The following NAALADL2 variants were observed in gnomAD, a reference collection of about 807,000 sequenced individuals.
The protein encoded by NAALADL2 is N-acetylated alpha-linked acidic dipeptidase like 2.
A neutral mutation model predicts 87.2 loss-of-function variants in NAALADL2; 76 were observed. The ratio of observed to expected loss-of-function variants is 0.87; its 90% CI spans 0.72 to 1.05. The LOEUF (loss-of-function observed/expected upper bound fraction) is 1.05, where lower values mean the gene tolerates loss of function less well. Ranked by LOEUF, NAALADL2 falls within the 50% of genes least tolerant of loss-of-function variation. The pLI is 0.00. For synonymous variants in NAALADL2, 354 were observed against 331.0 expected (o/e 1.07, Z -0.75); for missense variants, 1,089 against 945.8 (o/e 1.15, Z -1.99).
chr3:175,313,048 T>C (rs1015341743), intron 4 of NAALADL2, among the ~76,000 whole-genome samples: 2 of 152,292 alleles, frequency 1.3e-5, no homozygotes, highest in African/African-American at 4.8e-5. Flanking sequence ...CAAAGGCTGA[T>C]AGGTTTGGTT....
chr3:174,799,882 T>C (rs968605400), intron 3 of NAALADL2, among the ~76,000 whole-genome samples: 1 of 152,190 alleles, frequency 6.6e-6, no homozygotes, highest in Admixed American at 6.5e-5. Context: ...ATGAGAAACA[T>C]GTTGGGAGCT....
intron 1 of NAALADL2, among the ~76,000 whole-genome samples, chr3:174,882,926 T>C (rs1005147182): frequency 6.6e-6 from 1 of 151,166 alleles, no homozygotes; most frequent in African/African-American, 2.4e-5. Flanking sequence ...TGTATATATA[T>C]GTATATATAT....
intron 1 of NAALADL2, among the ~76,000 whole-genome samples, chr3:174,986,658 T>G (rs1458806054): frequency 6.6e-6 from 1 of 152,176 alleles, no homozygotes; most frequent in African/African-American, 2.4e-5. Flanking sequence ...TAAAGTTTTC[T>G]GAGCTAGATG....
chr3:175,539,672 C>A (rs1711954001), intron 9 of NAALADL2, among the ~76,000 whole-genome samples: 1 of 152,022 alleles, frequency 6.6e-6, no homozygotes, highest in Admixed American at 6.6e-5. Flanking sequence ...CCCTTGACCC[C>A]TTGACAGAAT....
chr3:174,941,318 T>C (rs1738556504), intron 1 of NAALADL2, among the ~76,000 whole-genome samples: 1 of 152,088 alleles, frequency 6.6e-6, no homozygotes, highest in Admixed American at 6.6e-5. Flanking sequence ...TTAAGCAATG[T>C]GTTTTTCAGT....
Position 175,617,847 on chromosome 3 carries a change from G to A in NAALADL2, c.1801-9444G>A, listed in dbSNP as rs114323797. On this transcript the variant is annotated intron_variant, in intron 10 of 13. Coordinates refer to ENST00000454872, the MANE Select transcript of NAALADL2 (RefSeq NM_207015.3). Reference sequence around the variant, plus strand: ...ATTCTCATCTGATCTCTGGTCTGTTGTGGATAGTTTGGAGTAATTGAGAGG... The same window carrying A: ...ATTCTCATCTGATCTCTGGTCTGTTATGGATAGTTTGGAGTAATTGAGAGG... Among the ~76,000 whole-genome samples, 1,045 of 152,286 alleles carry A rather than the reference G, an allele frequency of 6.9e-3. 9 individuals carry two copies. Among genetic ancestry groups the A allele is most frequent in the African/African-American group, 0.024 (997 of 41,556 alleles).
intron 1 of NAALADL2, among the ~76,000 whole-genome samples, chr3:174,535,680 T>C (rs1429837348): frequency 6.6e-6 from 1 of 152,116 alleles, no homozygotes; most frequent in African/African-American, 2.4e-5. Flanking sequence ...CCAGTGTCTC[T>C]TATTAGTTCA....
At chr3:174,987,827 T>TATATAAATATATATATATATATATAAAA (rs1222203525) in intron 1 of NAALADL2, among the ~76,000 whole-genome samples, 1 of 130,574 alleles carries the variant, frequency 7.7e-6, no homozygotes, top group African/African-American at 3.7e-5. Flanking sequence ...TATATATATA[T>TATATAAATATATATATATATATATAAAA]AATGAGACCT....
chr3:175,039,527 A>G (rs535212949), intron 1 of NAALADL2, among the ~76,000 whole-genome samples: 3 of 152,264 alleles, frequency 2.0e-5, no homozygotes, highest in African/African-American at 7.2e-5. Flanking sequence ...AGACCTGGAC[A>G]ATAGGGTTAT....
At chr3:174,936,494 A>G (rs1737709842) in intron 1 of NAALADL2, among the ~76,000 whole-genome samples, 1 of 152,158 alleles carries the variant, frequency 6.6e-6, no homozygotes, top group Non-Finnish European at 1.5e-5. Flanking sequence ...CAGCCATAAT[A>G]AAAGCTACTT....
intron 1 of NAALADL2, among the ~76,000 whole-genome samples, chr3:174,932,256 C>T (rs1560381147): frequency 6.6e-6 from 1 of 152,132 alleles, no homozygotes; most frequent in Non-Finnish European, 1.5e-5. Context: ...AACCAGGCAC[C>T]ATCAGATCAT....
chr3:175,736,133 T>A (rs1412716984), intron 11 of NAALADL2, among the ~76,000 whole-genome samples: 1 of 152,146 alleles, frequency 6.6e-6, no homozygotes, highest in Non-Finnish European at 1.5e-5. Flanking sequence ...TCCTTTGAGA[T>A]GTGTATGAAT....
chr3:175,064,029 A>G (rs1714071859), intron 1 of NAALADL2, among the ~76,000 whole-genome samples: 1 of 152,092 alleles, frequency 6.6e-6, no homozygotes, highest in East Asian at 1.9e-4. Context: ...AAACAATGTG[A>G]AGTTCAGAAA....
At chr3:175,556,801 T>C (rs551901358) in intron 9 of NAALADL2, among the ~76,000 whole-genome samples, 26 of 152,212 alleles carry the variant, frequency 1.7e-4, no homozygotes, top group Non-Finnish European at 3.1e-4. Flanking sequence ...CTCTAATCTC[T>C]TATCCCTTAT....
rs1768679156 is a variant in NAALADL2 at position 175,388,453 on chromosome 3, T to TA, written c.1091-58775dup. Among the ~76,000 whole-genome samples the TA allele has an allele frequency of 5.3e-5, 8 of 152,080 alleles. No homozygotes were observed. In the South Asian group the frequency reaches 1.7e-3, roughly 31 times the overall value. ...GTATACATTTCTCAATGCCATAAAA[T>TA]ACAAAAATCGATGTTGAGTGAAATT... On this transcript the variant is annotated intron_variant, in intron 5 of 13. Transcript: ENST00000454872.
intron 2 of NAALADL2, among the ~76,000 whole-genome samples, chr3:175,232,023 AAG>A (rs1745009532): frequency 6.6e-6 from 1 of 152,046 alleles, no homozygotes; most frequent in Non-Finnish European, 1.5e-5. Context: ...GGTAATGAAA[AAG>A]AATATAATTC....
At chr3:174,724,849 A>G (rs1732038486) in intron 2 of NAALADL2, among the ~76,000 whole-genome samples, 1 of 152,146 alleles carries the variant, frequency 6.6e-6, no homozygotes. Context: ...TGGATTATGT[A>G]TTATATCATT....
intron 10 of NAALADL2, among the ~76,000 whole-genome samples, chr3:175,593,448 G>T (rs540659124): frequency 6.6e-6 from 1 of 152,206 alleles, no homozygotes; most frequent in South Asian, 2.1e-4. Context: ...AGTGAAGTGG[G>T]TTAATGCCTA....
chr3:175,651,292 T>G (rs1730729276), intron 11 of NAALADL2, among the ~76,000 whole-genome samples: 1 of 152,152 alleles, frequency 6.6e-6, no homozygotes, highest in South Asian at 2.1e-4. Flanking sequence ...TCAAAATAAC[T>G]TTTCAAGGGT....
Sources: gnomAD v4.1 joint callset for allele counts (sites outside exome capture counted in the v4.1 genomes callset) on GRCh38, gnomAD v4.1.1 for gene constraint, MANE v1.5 for transcripts, NCBI Gene and HGNC (gene_info 2026-07-23, HGNC 2026-07-21) for gene names.